The following MYO5B variants were observed in gnomAD, a reference collection of about 807,000 sequenced individuals.
MYO5B encodes myosin VB, also known as unconventional myosin-Vb.
In MYO5B, 143 loss-of-function variants were observed where a neutral mutation model predicts 229.3. The ratio of observed to expected loss-of-function variants is 0.62; its 90% CI spans 0.54 to 0.72. The LOEUF is 0.72. Ranked by LOEUF, MYO5B falls within the 30% of genes least tolerant of loss-of-function variation. The pLI is 0.00. For synonymous variants in MYO5B, 918 were observed against 885.2 expected (o/e 1.04, Z -0.66); for missense variants, 2,321 against 2,331.0 (o/e 1.00, Z 0.09).
chr18:49,915,555 T>C (rs2025004636), intron 17 of MYO5B, among the ~76,000 whole-genome samples: 1 of 152,244 alleles, frequency 6.6e-6, no homozygotes, highest in African/African-American at 2.4e-5. Context: ...TGCCCTTTAC[T>C]CACCGAGCAG....
At chr18:50,021,702 C>A (rs1342490682) in intron 4 of MYO5B, among the ~76,000 whole-genome samples, 2 of 141,602 alleles carry the variant, frequency 1.4e-5, no homozygotes, top group African/African-American at 2.7e-5. Context: ...CTCCACAACA[C>A]CCCATCCCAT....
At chr18:49,837,471 T>G (rs1200277345) in intron 37 of MYO5B, 46 bp downstream of exon 37, 1 of 1,608,910 alleles carries the variant, frequency 6.2e-7, no homozygotes, top group South Asian at 1.1e-5. Context: ...CTGCAGTCAG[T>G]GAGGGCCCAC....
intron 10 of MYO5B, among the ~76,000 whole-genome samples, chr18:49,966,658 TATCTC>T (rs2025629399): frequency 6.6e-6 from 1 of 152,266 alleles, no homozygotes; most frequent in African/African-American, 2.4e-5. Flanking sequence ...AGGATTTAAA[TATCTC>T]AGACTTGTCA....
At chr18:49,926,954 G>C (rs2025134479) in intron 17 of MYO5B, among the ~76,000 whole-genome samples, 1 of 152,146 alleles carries the variant, frequency 6.6e-6, no homozygotes, top group South Asian at 2.1e-4. Context: ...AATTATATGA[G>C]GTTCCTGGGA....
Position 49,992,206 on chromosome 18 carries a change from G to A in MYO5B, c.756+82C>T, listed in dbSNP as rs534464488. 1.3e-5 allele frequency: 20 copies of A among 1,565,258 alleles called. No individual in the cohort carries two copies. In the African/African-American group the frequency reaches 2.2e-4, roughly 17 times the overall value. ...AGGCTCACAAGAGAGATTCTCTTTG[G>A]GTCCAGGGAGTGGGGCAGGGAGCAG... On this transcript the variant is annotated intron_variant, in intron 6 of 39. Coordinates refer to ENST00000285039, the MANE Select transcript of MYO5B (RefSeq NM_001080467.3).
rs997708074 is a variant in MYO5B, at chr18:50,171,107, T to C, written c.27+23660A>G. The stretch of plus-strand genomic sequence containing the variant: ...TTGGGATACTTGGCCGCCAGTCTCA[T>C]GCAGCCCTGTTCCTCAAATCTGGAA... On this transcript the variant is annotated intron_variant, in intron 1 of 39. Coordinates refer to ENST00000285039, the MANE Select transcript of MYO5B (RefSeq NM_001080467.3). Among the ~76,000 whole-genome samples the C allele has an allele frequency of 3.9e-5, 5 of 127,946 alleles. 1 individual carries two copies. Among genetic ancestry groups the C allele is most frequent in the Non-Finnish European group, 8.3e-5 (5 of 59,960 alleles). The allele number at this position is 127,946 out of a possible 152,430, so 83.9% of individuals were successfully genotyped here.
At chr18:49,899,771 G>T (rs2024819593) in intron 21 of MYO5B, among the ~76,000 whole-genome samples, 2 of 152,224 alleles carry the variant, frequency 1.3e-5, no homozygotes, top group South Asian at 4.1e-4. Flanking sequence ...TAGTCAGGTA[G>T]TGCAGGCAAG....
chr18:50,080,371 T>A (rs978082318), intron 1 of MYO5B, among the ~76,000 whole-genome samples: 3 of 152,172 alleles, frequency 2.0e-5, no homozygotes, highest in African/African-American at 7.2e-5. Flanking sequence ...TCAAAGCAAC[T>A]ACCTCCCTGA....
intron 1 of MYO5B, among the ~76,000 whole-genome samples, chr18:50,096,219 ATTCAC>A (rs1443048216): frequency 1.3e-5 from 2 of 152,124 alleles, no homozygotes; most frequent in Non-Finnish European, 2.9e-5. Context: ...CAGCTCCATG[ATTCAC>A]TTATGCTGAG....
chr18:50,100,919 C>A (rs1354210600), intron 1 of MYO5B, among the ~76,000 whole-genome samples: 1 of 152,194 alleles, frequency 6.6e-6, no homozygotes, highest in Non-Finnish European at 1.5e-5. Context: ...AGGGACAGGG[C>A]TTGGGCCAAT....
In MYO5B at chr18:49,974,507, C is replaced by A. The variant is rs781404633; in HGVS notation, c.1165G>T (p.Val389Phe). 28 of 1,614,158 alleles carry A rather than the reference C, an allele frequency of 1.7e-5. No individual in the cohort carries two copies. In the East Asian group the frequency reaches 4.7e-4, roughly 27 times the overall value. ...RKLVTTSETYVKTMSLQQVIN... is the reference protein window; with the variant it reads ...RKLVTTSETYFKTMSLQQVIN... ...ACCTGCTGCAGGGACATGGTCTTGACGTAGGTCTCCGAGGTGGTGACCAGC... is the reference window on the plus strand; with the variant it reads ...ACCTGCTGCAGGGACATGGTCTTGAAGTAGGTCTCCGAGGTGGTGACCAGC... The change falls in exon 10 of 40, where the codon GTC becomes TTC. Residue 389 changes from valine (V) to phenylalanine (F), a missense_variant. Val to Phe is a conservative substitution (Grantham distance 50). Transcript: ENST00000285039.
chr18:50,138,141 C>T (rs1259372059), intron 1 of MYO5B, among the ~76,000 whole-genome samples: 1 of 152,146 alleles, frequency 6.6e-6, no homozygotes, highest in Non-Finnish European at 1.5e-5. Context: ...ACATATACTC[C>T]ACAAATACCC....
Position 49,975,641 on chromosome 18 carries a change from T to A in MYO5B, c.1057-1026A>T, listed in dbSNP as rs75779096. Among the ~76,000 whole-genome samples, 2,397 of 152,168 alleles carry A rather than the reference T, an allele frequency of 0.016. 166 individuals carry two copies. The East Asian group carries it at 0.24, about 15-fold the overall frequency. On this transcript the variant is annotated intron_variant, in intron 9 of 39. Coordinates refer to ENST00000285039, the MANE Select transcript of MYO5B (RefSeq NM_001080467.3). ...TGGACCACATCTTGACCTGGGAAGA[T>A]CATCTGGAACACTTCCACTGATAAT... is the stretch of plus-strand genomic sequence containing the variant.
intron 29 of MYO5B, 89 bp downstream of exon 29, chr18:49,863,138 C>A: frequency 1.0e-6 from 1 of 955,282 alleles, no homozygotes; most frequent in African/African-American, 1.6e-5. Context: ...AGCACATGGT[C>A]ATCACCTGAG....
rs574063596 is a variant in MYO5B at position 50,170,813 on chromosome 18, T to C, written c.27+23954A>G. On this transcript the variant is annotated intron_variant, in intron 1 of 39. Coordinates refer to ENST00000285039, the MANE Select transcript of MYO5B (RefSeq NM_001080467.3). Reference sequence around the variant, plus strand: ...GCTTCACTTTTTGAGATTAGAAGATTATATTATGAATGACTAGAACAAGAG... The same window carrying C: ...GCTTCACTTTTTGAGATTAGAAGATCATATTATGAATGACTAGAACAAGAG... Among the ~76,000 whole-genome samples the C allele has an allele frequency of 4.7e-5, 6 of 128,178 alleles. 2 individuals are homozygous for C. In the South Asian group the frequency reaches 8.1e-4, roughly 17 times the overall value. 84.1% of individuals were successfully genotyped at this position (128,178 alleles called of 152,430 possible). A position where few individuals can be genotyped will look rare whatever the true frequency, so the allele number is the denominator to read the frequency against.
At chr18:49,874,539 CACTTACTGCTCAGGGGG>C in intron 26 of MYO5B, among the ~76,000 whole-genome samples, 1 of 152,336 alleles carries the variant, frequency 6.6e-6, no homozygotes, top group African/African-American at 2.4e-5. Flanking sequence ...TTTACCTCCC[CACTTACTGCTCAGGGGG>C]AAAAAAAACA....
chr18:50,107,229 T>A (rs1290741371), intron 1 of MYO5B, among the ~76,000 whole-genome samples: 1 of 144,696 alleles, frequency 6.9e-6, no homozygotes, highest in Admixed American at 7.5e-5. Context: ...CACTTGAAAG[T>A]GATTCTCCTG....
chr18:49,892,788 G>C (rs892076964), intron 22 of MYO5B, among the ~76,000 whole-genome samples: 15 of 152,316 alleles, frequency 9.8e-5, no homozygotes, highest in African/African-American at 3.1e-4. Flanking sequence ...TTCCAGGAAA[G>C]AGGTGGACAT....
intron 4 of MYO5B, among the ~76,000 whole-genome samples, chr18:50,020,866 C>G (rs1165897811): frequency 6.6e-6 from 1 of 152,238 alleles, no homozygotes; most frequent in East Asian, 1.9e-4. Flanking sequence ...GTAGGAGAAT[C>G]TGTGGACAGT....
Sources: allele counts gnomAD v4.1 joint callset (sites outside exome capture counted in the v4.1 genomes callset), GRCh38; gene constraint gnomAD v4.1.1; transcripts MANE v1.5; gene names NCBI Gene and HGNC (gene_info 2026-07-23, HGNC 2026-07-21).